SEPTIN10: variants seen among roughly 807,000 people sequenced by gnomAD.
SEPTIN10 encodes the protein septin 10.
In SEPTIN10, 66 loss-of-function variants were observed where a neutral mutation model predicts 54.8. The ratio of observed to expected loss-of-function variants is 1.21; its 90% CI spans 0.99 to 1.48. SEPTIN10 has a LOEUF of 1.48. Ranked by LOEUF, SEPTIN10 falls within the 40% of genes most tolerant of loss-of-function variation. The pLI, the probability that SEPTIN10 is intolerant of heterozygous loss-of-function variation, is 0.00. For missense variants in SEPTIN10, 620 were observed against 545.6 expected, an observed-to-expected ratio of 1.14 and a Z score of -1.36; for synonymous variants, 161 against 181.0, an observed-to-expected ratio of 0.89 and a Z score of 0.89.
At chr2:109,577,615 AAAAG>A (rs1357217947) in intron 4 of SEPTIN10, among the ~76,000 whole-genome samples, 143 of 151,452 alleles carry the variant, frequency 9.4e-4, no homozygotes, top group African/African-American at 3.4e-3. Flanking sequence ...AAAAAAAAGA[AAAAG>A]AAAGAGAGAA....
chr2:109,596,580 G>A (rs1419720564), intron 1 of SEPTIN10, among the ~76,000 whole-genome samples: 5 of 151,196 alleles, frequency 3.3e-5, no homozygotes, highest in South Asian at 2.1e-4. Flanking sequence ...TCGCGCCGCT[G>A]CACTCCAGCC....
intron 2 of SEPTIN10, among the ~76,000 whole-genome samples, chr2:109,587,459 G>A (rs902238012): frequency 1.3e-5 from 2 of 152,036 alleles, no homozygotes; most frequent in Non-Finnish European, 2.9e-5. Context: ...GTGGGGGGTA[G>A]GAGGGAGGGA....
intron 8 of SEPTIN10, among the ~76,000 whole-genome samples, chr2:109,554,432 G>T (rs1683876065): frequency 6.6e-6 from 1 of 152,132 alleles, no homozygotes; most frequent in South Asian, 2.1e-4. Context: ...CCAGTTCAGG[G>T]TCATGGGTGG....
intron 1 of SEPTIN10, among the ~76,000 whole-genome samples, chr2:109,596,261 T>C (rs944290498): frequency 1.3e-5 from 2 of 152,150 alleles, no homozygotes; most frequent in African/African-American, 4.8e-5. Flanking sequence ...AATGATAGCA[T>C]ATCATGAGTT....
chr2:109,607,728 T>C (rs1698322621), intron 1 of SEPTIN10, among the ~76,000 whole-genome samples: 2 of 152,082 alleles, frequency 1.3e-5, no homozygotes, highest in African/African-American at 4.8e-5. Context: ...AGGCAAAGTT[T>C]AGTCTTTCCT....
chr2:109,573,723 G>A (rs183881219), intron 5 of SEPTIN10, among the ~76,000 whole-genome samples: 102 of 152,198 alleles, frequency 6.7e-4, no homozygotes, highest in African/African-American at 2.3e-3. Context: ...AAATTCTAAC[G>A]TTTCTTTAAT....
At chr2:109,582,704 A>G (rs955296537) in intron 4 of SEPTIN10, among the ~76,000 whole-genome samples, 1 of 152,224 alleles carries the variant, frequency 6.6e-6, no homozygotes, top group African/African-American at 2.4e-5. Flanking sequence ...GAAACAAAAA[A>G]GAGACTGAAT....
intron 1 of SEPTIN10, among the ~76,000 whole-genome samples, chr2:109,593,459 G>T (rs986470578): frequency 7.1e-5 from 10 of 141,538 alleles, no homozygotes; most frequent in African/African-American, 2.7e-4. Flanking sequence ...AGACTGGAGT[G>T]CAATGGCATG....
chr2:109,545,116 TA>T (rs1680846645), intron 10 of SEPTIN10: 1 of 985,282 alleles, frequency 1.0e-6, no homozygotes, highest in Admixed American at 6.2e-5. Flanking sequence ...GTGAGAGCAT[TA>T]AACCAGATGT....
intron 8 of SEPTIN10, among the ~76,000 whole-genome samples, chr2:109,563,382 C>G (rs189505487): frequency 6.6e-6 from 1 of 152,328 alleles, no homozygotes. Context: ...CTTTTGTTTA[C>G]TCTGGTGCAG....
At chr2:109,612,541 T>A (rs1263283725) in intron 1 of SEPTIN10, among the ~76,000 whole-genome samples, 1 of 152,248 alleles carries the variant, frequency 6.6e-6, no homozygotes. Flanking sequence ...AAATACAGTT[T>A]AATTCGAAAA....
intron 9 of SEPTIN10, among the ~76,000 whole-genome samples, chr2:109,551,977 C>A (rs1683067429): frequency 6.6e-6 from 1 of 152,184 alleles, no homozygotes; most frequent in African/African-American, 2.4e-5. Context: ...TGGTCCATGG[C>A]CTGTTAGGAA....
At chr2:109,560,791 C>A (rs1425943677) in intron 8 of SEPTIN10, among the ~76,000 whole-genome samples, 1 of 152,120 alleles carries the variant, frequency 6.6e-6, no homozygotes, top group Admixed American at 6.5e-5. Flanking sequence ...AGCCATGAAA[C>A]CATAAATTCA....
intron 8 of SEPTIN10, among the ~76,000 whole-genome samples, chr2:109,554,068 C>A (rs1018423720): frequency 6.6e-6 from 1 of 151,994 alleles, no homozygotes; most frequent in Non-Finnish European, 1.5e-5. Context: ...GACTCAAAAC[C>A]CTTCTAATAT....
At chr2:109,602,976 C>A (rs1266331838) in intron 1 of SEPTIN10, among the ~76,000 whole-genome samples, 2 of 150,474 alleles carry the variant, frequency 1.3e-5, no homozygotes, top group Non-Finnish European at 2.9e-5. Flanking sequence ...AAGACTGAGG[C>A]AGGAGGATCA....
chr2:109,556,382 A>G (rs1684375249), intron 8 of SEPTIN10, among the ~76,000 whole-genome samples: 1 of 152,232 alleles, frequency 6.6e-6, no homozygotes, highest in Non-Finnish European at 1.5e-5. Flanking sequence ...TTAATCTTAA[A>G]TTTTATAACT....
chr2:109,588,866 A>G (rs1355637592), intron 2 of SEPTIN10, among the ~76,000 whole-genome samples: 1 of 151,864 alleles, frequency 6.6e-6, no homozygotes, highest in Non-Finnish European at 1.5e-5. Flanking sequence ...AAAAAAAAAA[A>G]AAGCGAAAGA....
At chr2:109,606,004 G>A (rs1697848573) in intron 1 of SEPTIN10, among the ~76,000 whole-genome samples, 1 of 152,222 alleles carries the variant, frequency 6.6e-6, no homozygotes, top group Non-Finnish European at 1.5e-5. Flanking sequence ...CTGGGGCAAG[G>A]AGGTACAAAG....
At chr2:109,607,007 G>A (rs916216055) in intron 1 of SEPTIN10, among the ~76,000 whole-genome samples, 1 of 152,144 alleles carries the variant, frequency 6.6e-6, no homozygotes, top group Non-Finnish European at 1.5e-5. Flanking sequence ...GTTATTTTAA[G>A]TTTCAGCATA....
Sources: gnomAD v4.1 joint callset for allele counts (sites outside exome capture counted in the v4.1 genomes callset) on GRCh38, gnomAD v4.1.1 for gene constraint, MANE v1.5 for transcripts, NCBI Gene and HGNC (gene_info 2026-07-23, HGNC 2026-07-21) for gene names.